RGS12: variants seen among roughly 807,000 people sequenced by gnomAD.
The protein encoded by RGS12 is regulator of G-protein signaling 12.
A neutral mutation model predicts 120.1 loss-of-function variants in RGS12; 66 were observed. That is an observed-to-expected ratio of 0.55 (90% CI 0.45 to 0.67). The LOEUF (loss-of-function observed/expected upper bound fraction) is 0.67. Ranked by LOEUF, RGS12 falls within the 30% of genes least tolerant of loss-of-function variation. The probability of loss-of-function intolerance (pLI) is 0.00; values close to 1 mark genes in which losing one functional copy is unlikely to be tolerated. For missense variants in RGS12, 1,859 were observed against 1,957.7 expected (o/e 0.95, Z 0.95); for synonymous variants, 827 against 804.7 (o/e 1.03, Z -0.47).
At chr4:3,408,926 C>A (rs1258325091) in intron 4 of RGS12, among the ~76,000 whole-genome samples, 2 of 152,260 alleles carry the variant, frequency 1.3e-5, no homozygotes, top group Non-Finnish European at 2.9e-5. Flanking sequence ...GGGGGCGTGG[C>A]TCTCACCCCC....
At chr4:3,359,544 T>C (rs2108836019) in intron 3 of RGS12, among the ~76,000 whole-genome samples, 1 of 145,394 alleles carries the variant, frequency 6.9e-6, no homozygotes, top group East Asian at 2.0e-4. Context: ...CTTTCCTTTA[T>C]CAGGAGATTT....
chr4:3,353,546 C>G (rs773570883), intron 3 of RGS12, among the ~76,000 whole-genome samples: 1 of 152,170 alleles, frequency 6.6e-6, no homozygotes. Context: ...TGGTACCAGT[C>G]TGGGCTGTTT....
At chr4:3,313,837 C>T (rs1000497417) in intron 1 of RGS12, among the ~76,000 whole-genome samples, 1 of 152,164 alleles carries the variant, frequency 6.6e-6, no homozygotes, top group South Asian at 2.1e-4. Flanking sequence ...AGAGCCTTCA[C>T]GTGGTCACGT....
intron 6 of RGS12, among the ~76,000 whole-genome samples, chr4:3,415,164 AGGGG>A (rs1722243999): frequency 1.0e-5 from 1 of 100,020 alleles, no homozygotes; most frequent in East Asian, 2.9e-4. Context: ...CGTGTGTGTG[AGGGG>A]CGTGTGTGAT....
intron 2 of RGS12, among the ~76,000 whole-genome samples, chr4:3,320,260 G>A (rs1725088468): frequency 6.6e-6 from 1 of 152,236 alleles, no homozygotes; most frequent in East Asian, 1.9e-4. Context: ...CCAGTGAATG[G>A]ACTCCTCCTT....
intron 1 of RGS12, chr4:3,314,897 C>G (rs1224822327): frequency 6.6e-6 from 1 of 152,266 alleles, no homozygotes; most frequent in Non-Finnish European, 1.5e-5. Context: ...CGGTGCCCAC[C>G]ACCCTCAATG....
chr4:3,374,802 C>A lies in RGS12; in HGVS notation c.1999-11614C>A, dbSNP rs1717461260. ...GCCCCTGCCCTGCCCTGTCCATGCACCTGCCAGAGTGAGCAGCGCCATCCT... is the reference window on the plus strand; with the variant it reads ...GCCCCTGCCCTGCCCTGTCCATGCAACTGCCAGAGTGAGCAGCGCCATCCT... On this transcript the variant is annotated intron_variant, in intron 3 of 17. Transcript: ENST00000336727. This position sits in a 1 kb window ranked among gnomAD's most constrained non-coding sequence, Gnocchi z 6.3. 6.6e-6 allele frequency among the ~76,000 whole-genome samples: 1 copy of A among 152,182 alleles called. No homozygotes were observed. The highest frequency in any genetic ancestry group is 1.5e-5 in the Non-Finnish European group (1 of 68,036).
At chr4:3,416,181 C>T in intron 7 of RGS12, 60 bp downstream of exon 7, 1 of 1,584,014 alleles carries the variant, frequency 6.3e-7, no homozygotes, top group Non-Finnish European at 8.6e-7. Context: ...GTATAGGGTC[C>T]ACCTTCAAAG....
rs781771156 is a variant in RGS12, at chr4:3,430,922, AC to A, written c.4087del (p.Gln1363ArgfsTer30). ...CAGCACCTTGCTGCCGCCGCCCTCC[AC>A]CCCCCAGGAAGTGCCAGGACCTTCC... ...PNSTLLPPPS[T>X]PQEVPGPSRP... On this transcript the variant is annotated frameshift_variant, in exon 17 of 18. Coordinates refer to ENST00000336727, the MANE Select transcript of RGS12 (RefSeq NM_001394154.1). LOFTEE classifies it low-confidence loss of function (END_TRUNC). 6.2e-7 allele frequency: 1 copy of A among 1,612,258 alleles called. No individual in the cohort carries two copies. The highest frequency in any genetic ancestry group is 1.7e-4 in the Middle Eastern group (1 of 6,052).
intron 16 of RGS12, 35 bp from the exon 17 acceptor site, chr4:3,430,372 C>G (rs1560178668): frequency 6.4e-7 from 1 of 1,571,980 alleles, no homozygotes; most frequent in East Asian, 2.2e-5. Context: ...GTGAAACTCT[C>G]TAAAACACGG....
intron 1 of RGS12, among the ~76,000 whole-genome samples, chr4:3,295,132 CAGTG>C (rs1327991480): frequency 1.3e-5 from 2 of 152,066 alleles, no homozygotes; most frequent in Non-Finnish European, 2.9e-5. Flanking sequence ...AGCTGGGACT[CAGTG>C]AGGTCCTGGA....
In RGS12 at chr4:3,439,593, G is replaced by A. The variant is rs781357078; in HGVS notation, c.4253G>A (p.Gly1418Glu). 5.6e-6 allele frequency: 9 copies of A among 1,610,366 alleles called. No homozygotes were observed. The highest frequency in any genetic ancestry group is 1.1e-5 in the South Asian group (1 of 90,774). Reference sequence around the variant, plus strand: ...CCTGGGAGGTCGCAGGCCAGTGGTGGGCCTCCTACATCAGACCTCCCTGGC... The same window carrying A: ...CCTGGGAGGTCGCAGGCCAGTGGTGAGCCTCCTACATCAGACCTCCCTGGC... ...AGPGRSQASG[G>E]PPTSDLPGLG... Residue 1418 changes from glycine to glutamate, a missense_variant, in exon 18 of 18, where the codon GGG becomes GAG. Gly to Glu is a moderately conservative substitution (Grantham distance 98). This residue lies in a region of RGS12 where 517 missense variants were observed against 488.5 expected (regional missense o/e 1.06). Coordinates refer to ENST00000336727, the MANE Select transcript of RGS12 (RefSeq NM_001394154.1).
intron 4 of RGS12, among the ~76,000 whole-genome samples, chr4:3,394,065 G>A (rs1014956372): frequency 2.6e-5 from 4 of 152,286 alleles, no homozygotes; most frequent in Non-Finnish European, 5.9e-5. Context: ...GCCTCTGCCC[G>A]GCCCTCAGAG....
At chr4:3,415,220 C>T (rs902813021) in intron 6 of RGS12, among the ~76,000 whole-genome samples, 7 of 151,666 alleles carry the variant, frequency 4.6e-5, no homozygotes, top group Non-Finnish European at 2.9e-5. Context: ...GAGAGGGCCG[C>T]GTGGCCTCAT....
intron 4 of RGS12, among the ~76,000 whole-genome samples, chr4:3,400,514 G>T (rs1329361695): frequency 6.6e-6 from 1 of 151,872 alleles, no homozygotes; most frequent in East Asian, 1.9e-4. Context: ...GAGGCCAAAG[G>T]AGCATCTAAT....
chr4:3,422,261 C>A, intron 10 of RGS12, 115 bp from the exon 11 acceptor site: 1 of 1,007,934 alleles, frequency 9.9e-7, no homozygotes, highest in Non-Finnish European at 1.4e-6. Flanking sequence ...GGGACCGTGG[C>A]AGGGCGCCAG....
intron 4 of RGS12, among the ~76,000 whole-genome samples, chr4:3,409,751 C>T (rs972651322): frequency 5.9e-5 from 9 of 152,208 alleles, no homozygotes; most frequent in Non-Finnish European, 1.2e-4. Context: ...GGAGCAAAAG[C>T]GTCAGCAACC....
At chr4:3,376,943 G>A (rs1717766253) in intron 3 of RGS12, among the ~76,000 whole-genome samples, 1 of 152,118 alleles carries the variant, frequency 6.6e-6, no homozygotes, top group African/African-American at 2.4e-5. Flanking sequence ...GCAAGAGATT[G>A]CCTTGAAATA....
intron 1 of RGS12, among the ~76,000 whole-genome samples, chr4:3,302,822 G>A (rs764168402): frequency 2.6e-5 from 4 of 152,280 alleles, no homozygotes; most frequent in African/African-American, 9.6e-5. Context: ...GAGCCACAGA[G>A]TCGTGGGGGG....
Sources: gnomAD v4.1 joint callset for allele counts (sites outside exome capture counted in the v4.1 genomes callset) on GRCh38, gnomAD v4.1.1 for gene constraint, gnomAD v4.1.1 regional missense constraint, Gnocchi (gnomAD v3.1) non-coding constraint, MANE v1.5 for transcripts, NCBI Gene and HGNC (gene_info 2026-07-23, HGNC 2026-07-21) for gene names.